The following SSH1 variants were observed in gnomAD, a reference collection of about 807,000 sequenced individuals.
SSH1 encodes the protein slingshot protein phosphatase 1.
Under a neutral mutation model 79.7 loss-of-function variants are expected in SSH1, and 43 were observed. The ratio of observed to expected loss-of-function variants is 0.54; its 90% CI spans 0.42 to 0.70. The LOEUF is 0.70. SSH1 is among the 30% of genes least tolerant of loss of function. SSH1 has a pLI of 0.00. For missense variants in SSH1, 1,206 were observed against 1,358.8 expected (o/e 0.89, Z 1.77); for synonymous variants, 599 against 538.3 (o/e 1.11, Z -1.56).
intron 6 of SSH1, among the ~76,000 whole-genome samples, chr12:108,810,295 G>C (rs1188153570): frequency 6.6e-6 from 1 of 152,058 alleles, no homozygotes. Context: ...GCCGAGGAGG[G>C]TGGATCACCT....
intron 2 of SSH1, chr12:108,826,370 T>TGTTC: frequency 3.1e-6 from 1 of 325,776 alleles, no homozygotes; most frequent in South Asian, 2.4e-5. Context: ...ACTCTGCCTC[T>TGTTC]GTTCCCCCAC....
rs1240114706 is a variant in SSH1, at chr12:108,788,445, G to A, written c.2693C>T (p.Pro898Leu). The part of the protein sequence containing the change: ...ASLEGGSLKS[P>L]PPFFYRLDHT... Reference sequence around the variant, plus strand: ...GTCCAGGCGGTAGAAGAAAGGAGGGGGGCTCTTCAGTGAGCCTCCTTCCAA... The same window carrying A: ...GTCCAGGCGGTAGAAGAAAGGAGGGAGGCTCTTCAGTGAGCCTCCTTCCAA... The change falls in exon 15 of 15, where the codon CCC (proline) becomes CTC (leucine). Residue 898 changes from proline to leucine, a missense_variant. By Grantham distance (98) the Pro-to-Leu change is moderately conservative. Transcript: ENST00000326495. 3.2e-6 allele frequency: 5 copies of A among 1,572,430 alleles called. No individual in the cohort carries two copies. Among genetic ancestry groups the A allele is most frequent in the East Asian group, 2.2e-5 (1 of 44,556 alleles).
chr12:108,790,766 T>A (rs972242769), intron 14 of SSH1, among the ~76,000 whole-genome samples: 1 of 152,306 alleles, frequency 6.6e-6, no homozygotes, highest in African/African-American at 2.4e-5. Flanking sequence ...CTTGAATGCA[T>A]CTGTCAGGAC....
At chr12:108,806,854 C>T (rs1296838026) in intron 8 of SSH1, among the ~76,000 whole-genome samples, 1 of 152,224 alleles carries the variant, frequency 6.6e-6, no homozygotes, top group African/African-American at 2.4e-5. Context: ...AGGGGACACA[C>T]AGACCAGGAT....
rs147355935 is a variant in SSH1 at position 108,856,085 on chromosome 12, T to C, written c.69+1343A>G. ...AAAGAAAGGGGCTGAAGAGCCCAGA[T>C]GCTGGCTGCGGAACTTCCTGGGCCT... On this transcript the variant is annotated intron_variant, in intron 1 of 14. Coordinates refer to ENST00000326495, the MANE Select transcript of SSH1 (RefSeq NM_018984.4). Among the ~76,000 whole-genome samples the C allele has an allele frequency of 3.4e-3, 514 of 152,354 alleles. 3 individuals carry two copies. The highest frequency in any genetic ancestry group is 0.011 in the African/African-American group (467 of 41,576).
At chr12:108,795,147 A>G (rs1306113960) in intron 13 of SSH1, among the ~76,000 whole-genome samples, 4 of 152,184 alleles carry the variant, frequency 2.6e-5, no homozygotes, top group Non-Finnish European at 4.4e-5. Flanking sequence ...ATCCTTAACA[A>G]TGGCAAATAA....
chr12:108,790,816 G>C (rs2036470080), intron 14 of SSH1, among the ~76,000 whole-genome samples: 1 of 152,238 alleles, frequency 6.6e-6, no homozygotes, highest in Non-Finnish European at 1.5e-5. Flanking sequence ...TGTCCTGTGA[G>C]ATGGGCAGGT....
intron 2 of SSH1, among the ~76,000 whole-genome samples, chr12:108,830,935 G>A (rs901942549): frequency 6.6e-6 from 1 of 152,056 alleles, no homozygotes; most frequent in Admixed American, 6.5e-5. Flanking sequence ...GTGAGCCACC[G>A]AGACCAACCT....
chr12:108,802,455 G>C lies in SSH1; in HGVS notation c.955-87C>G, dbSNP rs2037055309. 4.0e-6 allele frequency: 5 copies of C among 1,255,736 alleles called. No homozygotes were observed. In the South Asian group the frequency reaches 6.1e-5, roughly 15 times the overall value. 77.8% of individuals were successfully genotyped at this position (1,255,736 alleles called of 1,614,324 possible). On this transcript the variant is annotated intron_variant, in intron 10 of 14. Transcript: ENST00000326495. ...GGATGCATGGTTTGCCCTAGCTCTG[G>C]CGGTGAGGTCTTATTTCATGGCCCC...
chr12:108,789,384 C>T, intron 14 of SSH1, 140 bp from the exon 15 acceptor site: 2 of 871,890 alleles, frequency 2.3e-6, no homozygotes, highest in Non-Finnish European at 1.8e-6. Context: ...TCACTTAATA[C>T]TGACAGACAG....
rs113972815 is a variant in SSH1, at chr12:108,792,834, G to A, written c.1350-5C>T. On this transcript the variant is annotated splice_region_variant and splice_polypyrimidine_tract_variant and intron_variant, in intron 13 of 14. Transcript: ENST00000326495. ...AGCTTGTTGTGCCGCTGTTTGCTGC[G>A]GGGAGAGAGGGTAGAGGAAGGTGAG... 41 of 1,613,104 alleles carry A rather than the reference G, an allele frequency of 2.5e-5. No individual in the cohort carries two copies. The highest frequency in any genetic ancestry group is 1.8e-4 in the Middle Eastern group (1 of 5,670).
In SSH1 at chr12:108,807,880, G is replaced by C. The variant is rs745720165; in HGVS notation, c.537-53C>G. On this transcript the variant is annotated intron_variant, in intron 7 of 14. Coordinates refer to ENST00000326495, the MANE Select transcript of SSH1 (RefSeq NM_018984.4). This position sits in a 1 kb window ranked among gnomAD's most constrained non-coding sequence, Gnocchi z 5.2. ...CCTGGGAAGGCACAAGAGATGCAGG[G>C]TTTTCTCCTCTGACAAAGGGGTTCA... is the stretch of plus-strand genomic sequence containing the variant. 1.3e-6 allele frequency: 2 copies of C among 1,553,606 alleles called. No homozygotes were observed. The highest frequency in any genetic ancestry group is 2.7e-5 in the African/African-American group (2 of 73,602).
At position 108,789,156 on chromosome 12, in the gene SSH1, G is replaced by A. The variant is rs1378544556; in HGVS notation, c.1982C>T (p.Pro661Leu). Residue 661 changes from proline (P) to leucine (L), a missense_variant, in exon 15 of 15, where the codon CCT becomes CTT. Coordinates refer to ENST00000326495, the MANE Select transcript of SSH1 (RefSeq NM_018984.4). ...CTCACATCGCTCCCTGGAGGCCTCA[G>A]GAGCCCCGCTGGCTGTAGGGTACAT... The part of the protein sequence containing the change: ...DCMYPTASGA[P>L]EASRERCEDP... 1 of 1,613,018 alleles carries A rather than the reference G, an allele frequency of 6.2e-7. No individual in the cohort carries two copies. The highest frequency in any genetic ancestry group is 1.7e-5 in the Admixed American group (1 of 59,770).
chr12:108,832,426 G>A (rs1024153241), intron 2 of SSH1, among the ~76,000 whole-genome samples: 8 of 151,758 alleles, frequency 5.3e-5, no homozygotes, highest in South Asian at 2.1e-4. Context: ...GAAAAAGTTC[G>A]GTGCTCTTCC....
chr12:108,841,842 G>GTATA (rs34543723), intron 2 of SSH1, among the ~76,000 whole-genome samples: 63 of 147,378 alleles, frequency 4.3e-4, no homozygotes, highest in Non-Finnish European at 4.7e-4. Flanking sequence ...GTGTGTGTGT[G>GTATA]TATATATATA....
chr12:108,808,877 G>T (rs1359063220), intron 7 of SSH1, among the ~76,000 whole-genome samples: 1 of 137,578 alleles, frequency 7.3e-6, no homozygotes, highest in African/African-American at 2.7e-5. Context: ...TCCATCGCCC[G>T]GGCTGGAGTG....
intron 7 of SSH1, among the ~76,000 whole-genome samples, chr12:108,808,057 C>T (rs368909490): frequency 8.5e-5 from 13 of 152,344 alleles, no homozygotes; most frequent in South Asian, 8.3e-4. Context: ...CCTGCATCAG[C>T]CTCCCGAGCA....
intron 2 of SSH1, among the ~76,000 whole-genome samples, chr12:108,829,104 G>A (rs2038408202): frequency 6.6e-6 from 1 of 152,078 alleles, no homozygotes; most frequent in Non-Finnish European, 1.5e-5. Flanking sequence ...GAGATGGGTG[G>A]ATCATTTGAG....
chr12:108,784,193 A>G lies in SSH1; in HGVS notation c.*3795T>C, dbSNP rs1478064418. 1 of 152,206 alleles carries G rather than the reference A, an allele frequency of 6.6e-6. No homozygotes were observed. The highest frequency in any genetic ancestry group is 2.4e-5 in the African/African-American group (1 of 41,426). The allele number at this position is 152,206 out of a possible 1,614,324, so 9.4% of individuals were successfully genotyped here. On this transcript the variant is annotated 3_prime_UTR_variant, in exon 15 of 15. Coordinates refer to ENST00000326495, the MANE Select transcript of SSH1 (RefSeq NM_018984.4). ...AGGAGAGTGGTAGGGAAATTCATCA[A>G]CCTTCTAGAATGGACTGCCCTCAGA...
Sources: gnomAD v4.1 joint callset for allele counts (sites outside exome capture counted in the v4.1 genomes callset) on GRCh38, gnomAD v4.1.1 for gene constraint, Gnocchi (gnomAD v3.1) non-coding constraint, MANE v1.5 for transcripts, NCBI Gene and HGNC (gene_info 2026-07-23, HGNC 2026-07-21) for gene names.